Variants in DPP6 observed in about 807,000 individuals in gnomAD.
DPP6 encodes the protein dipeptidyl peptidase like 6, also known as A-type potassium channel modulatory protein DPP6.
A neutral mutation model predicts 122.6 loss-of-function variants in DPP6; 69 were observed. The observed-to-expected ratio is 0.56, with a 90% CI of 0.46 to 0.69. The LOEUF is 0.69. Ranked by LOEUF, DPP6 falls within the 30% of genes least tolerant of loss-of-function variation. The pLI is 0.00. For missense variants in DPP6, 928 were observed against 1,116.9 expected (o/e 0.83, Z 2.41); for synonymous variants, 418 against 433.1 (o/e 0.97, Z 0.43).
At chr7:154,217,960 C>T (rs143406432) in intron 1 of DPP6, among the ~76,000 whole-genome samples, 6 of 152,318 alleles carry the variant, frequency 3.9e-5, no homozygotes, top group East Asian at 1.9e-4. Flanking sequence ...TGTGATTCTG[C>T]GTCCTCCCTC....
chr7:154,253,804 G>T (rs1194665170), intron 1 of DPP6, among the ~76,000 whole-genome samples: 1 of 152,214 alleles, frequency 6.6e-6, no homozygotes, highest in South Asian at 2.1e-4. Flanking sequence ...AAGAAAAGAG[G>T]TTTAATTGAG....
At chr7:154,718,880 T>C (rs1481002992) in intron 7 of DPP6, among the ~76,000 whole-genome samples, 16 of 152,088 alleles carry the variant, frequency 1.1e-4, no homozygotes, top group Non-Finnish European at 2.2e-4. Context: ...CCTCAGGTGA[T>C]CCACCCGCCT....
chr7:154,847,527 C>G (rs1454843819), intron 16 of DPP6, among the ~76,000 whole-genome samples: 1 of 152,002 alleles, frequency 6.6e-6, no homozygotes, highest in African/African-American at 2.4e-5. Flanking sequence ...GTTTGGGGCT[C>G]TTTCATTTTT....
intron 3 of DPP6, among the ~76,000 whole-genome samples, chr7:154,482,700 A>G (rs1409373172): frequency 6.6e-6 from 1 of 152,202 alleles, no homozygotes; most frequent in Non-Finnish European, 1.5e-5. Context: ...ATAGTATTTC[A>G]CGATATTAAT....
intron 1 of DPP6, among the ~76,000 whole-genome samples, chr7:153,973,675 G>GTCTC (rs796658135): frequency 5.3e-5 from 7 of 132,980 alleles, no homozygotes; most frequent in African/African-American, 1.9e-4. Flanking sequence ...GTGTGTGTGT[G>GTCTC]TCTAATGGTA....
intron 1 of DPP6, among the ~76,000 whole-genome samples, chr7:154,014,452 C>T (rs1174128318): frequency 7.3e-5 from 11 of 150,496 alleles, no homozygotes; most frequent in African/African-American, 2.5e-4. Context: ...GTCAGGAGTT[C>T]GAGACCAACC....
At chr7:154,494,362 ATATATAT>A (rs1824540620) in intron 3 of DPP6, among the ~76,000 whole-genome samples, 1 of 148,846 alleles carries the variant, frequency 6.7e-6, no homozygotes, top group Non-Finnish European at 1.5e-5. Context: ...TCTCAAAAAA[ATATATAT>A]TATACATATT....
intron 1 of DPP6, among the ~76,000 whole-genome samples, chr7:154,083,129 G>A (rs150293759): frequency 0.071 from 10,761 of 152,040 alleles, 473 homozygotes; most frequent in Middle Eastern, 0.14. Flanking sequence ...GATTACAGGC[G>A]TGAGCCACCG....
At chr7:154,178,514 C>G (rs1257596149) in intron 1 of DPP6, among the ~76,000 whole-genome samples, 2 of 143,208 alleles carry the variant, frequency 1.4e-5, no homozygotes, top group Non-Finnish European at 3.2e-5. Flanking sequence ...AAAAAAAAAT[C>G]CTGAAAAAAA....
chr7:154,019,086 C>A (rs1381114624), intron 1 of DPP6, among the ~76,000 whole-genome samples: 1 of 152,142 alleles, frequency 6.6e-6, no homozygotes, highest in Admixed American at 6.5e-5. Flanking sequence ...TGTGATGCAT[C>A]TATTTAATAT....
At chr7:154,725,108 C>T (rs73498018) in intron 7 of DPP6, among the ~76,000 whole-genome samples, 1,819 of 152,162 alleles carry the variant, frequency 0.012, 37 homozygotes, top group African/African-American at 0.04. Context: ...AGAATAAAGG[C>T]GCATTGGAGT....
intron 1 of DPP6, chr7:154,305,242 T>C (rs1585879780): frequency 8.0e-7 from 1 of 1,251,316 alleles, no homozygotes; most frequent in Non-Finnish European, 1.0e-6. Flanking sequence ...GCAGAGGCTG[T>C]TGCTAATTGG....
At chr7:154,053,924 T>C (rs1174690291) in intron 1 of DPP6, among the ~76,000 whole-genome samples, 1 of 147,860 alleles carries the variant, frequency 6.8e-6, no homozygotes. Context: ...CCACCTCCTG[T>C]GGATCCCTTT....
chr7:154,531,713 C>A (rs1186335854), intron 3 of DPP6, among the ~76,000 whole-genome samples: 1 of 151,978 alleles, frequency 6.6e-6, no homozygotes, highest in East Asian at 1.9e-4. Flanking sequence ...ATAACATTGT[C>A]TTCTGTAATA....
intron 1 of DPP6, among the ~76,000 whole-genome samples, chr7:154,012,661 T>C (rs1288135964): frequency 2.0e-5 from 3 of 152,098 alleles, no homozygotes; most frequent in Non-Finnish European, 2.9e-5. Flanking sequence ...GTACCAAGTA[T>C]ACCTTTTCAT....
intron 7 of DPP6, among the ~76,000 whole-genome samples, chr7:154,711,086 A>G (rs1465653837): frequency 2.0e-5 from 3 of 152,256 alleles, no homozygotes; most frequent in Non-Finnish European, 4.4e-5. Context: ...AATAGTCACT[A>G]CTATGTGGAT....
intron 7 of DPP6, among the ~76,000 whole-genome samples, chr7:154,721,783 T>C (rs1285948284): frequency 6.6e-6 from 1 of 152,198 alleles, no homozygotes; most frequent in African/African-American, 2.4e-5. Context: ...CAGCAACAGA[T>C]GTGACTGAGC....
intron 1 of DPP6, among the ~76,000 whole-genome samples, chr7:154,061,400 G>A (rs1321796732): frequency 1.4e-5 from 2 of 146,536 alleles, no homozygotes; most frequent in African/African-American, 2.5e-5. Flanking sequence ...CCCAAACTGT[G>A]GGGCCCTGGC....
At chr7:154,137,650 T>TGGGGGGGG (rs1419049474) in intron 1 of DPP6, among the ~76,000 whole-genome samples, 5 of 10,082 alleles carry the variant, frequency 5.0e-4, no homozygotes, top group African/African-American at 7.3e-4. Flanking sequence ...GTGGGGGGGG[T>TGGGGGGGG]GGGGGGGTGG....
Sources: gnomAD v4.1 joint callset for allele counts (sites outside exome capture counted in the v4.1 genomes callset) on GRCh38, gnomAD v4.1.1 for gene constraint, MANE v1.5 for transcripts, NCBI Gene and HGNC (gene_info 2026-07-23, HGNC 2026-07-21) for gene names.